Variants in NHEJ1 observed in about 807,000 individuals in gnomAD.
NHEJ1 encodes the protein non-homologous end-joining factor 1.
A neutral mutation model predicts 39.4 loss-of-function variants in NHEJ1; 22 were observed. The ratio of observed to expected loss-of-function variants is 0.56; its 90% CI spans 0.40 to 0.80. NHEJ1 has a LOEUF of 0.80. Ranked by LOEUF, NHEJ1 falls within the 30% of genes least tolerant of loss-of-function variation. The pLI, the probability that NHEJ1 is intolerant of heterozygous loss-of-function variation, is 0.00. For missense variants in NHEJ1, 329 were observed against 357.1 expected, an observed-to-expected ratio of 0.92 and a Z score of 0.63; for synonymous variants, 154 against 135.6, an observed-to-expected ratio of 1.14 and a Z score of -0.94.
At chr2:219,143,391 C>T (rs12694448) in intron 5 of NHEJ1, among the ~76,000 whole-genome samples, 76,232 of 151,920 alleles carry the variant, frequency 0.5, 21,481 homozygotes, top group Non-Finnish European at 0.64. Context: ...TGCAATGACC[C>T]CAGAGGTCAC....
chr2:219,086,790 T>C (rs1949115306), intron 5 of NHEJ1, among the ~76,000 whole-genome samples: 2 of 152,144 alleles, frequency 1.3e-5, no homozygotes, highest in African/African-American at 4.8e-5. Context: ...TGGCTGCCTC[T>C]GAAAGGAGGT....
intron 5 of NHEJ1, among the ~76,000 whole-genome samples, chr2:219,103,004 CAAAAAA>C (rs34361973): frequency 6.3e-5 from 2 of 31,582 alleles, no homozygotes; most frequent in Non-Finnish European, 9.4e-5. Flanking sequence ...GACTCCGTCT[CAAAAAA>C]AAAAAAAAAA....
At chr2:219,090,711 C>A (rs16859521) in intron 5 of NHEJ1, among the ~76,000 whole-genome samples, 2,794 of 152,206 alleles carry the variant, frequency 0.018, 75 homozygotes, top group African/African-American at 0.063. Flanking sequence ...AACAGACTAA[C>A]CGTGAATCAA....
intron 5 of NHEJ1, among the ~76,000 whole-genome samples, chr2:219,098,866 C>A (rs1392738405): frequency 6.6e-6 from 1 of 152,170 alleles, no homozygotes; most frequent in Non-Finnish European, 1.5e-5. Flanking sequence ...CTACATTTGA[C>A]TGCATAGGTA....
At chr2:219,152,968 A>T (rs1430299173) in intron 3 of NHEJ1, among the ~76,000 whole-genome samples, 4 of 151,578 alleles carry the variant, frequency 2.6e-5, no homozygotes, top group Non-Finnish European at 5.9e-5. Flanking sequence ...ATGCCCGGCT[A>T]ATTTTTGTAT....
chr2:219,132,157 C>A (rs2030450), intron 5 of NHEJ1, among the ~76,000 whole-genome samples: 108,629 of 152,228 alleles, frequency 0.71, 39,212 homozygotes, highest in Non-Finnish European at 0.76. Flanking sequence ...CTTCATTGAG[C>A]TACTGGCCCA....
At chr2:219,128,866 CA>C (rs886494405) in intron 5 of NHEJ1, among the ~76,000 whole-genome samples, 3 of 152,228 alleles carry the variant, frequency 2.0e-5, no homozygotes, top group African/African-American at 7.2e-5. Flanking sequence ...GGTCACCCTT[CA>C]AGAACTTCAC....
intron 6 of NHEJ1, among the ~76,000 whole-genome samples, chr2:219,077,716 C>T (rs1337678786): frequency 1.3e-5 from 2 of 151,948 alleles, no homozygotes; most frequent in Admixed American, 1.3e-4. Flanking sequence ...AACTCCTGGC[C>T]TTTCCCACCT....
intron 5 of NHEJ1, among the ~76,000 whole-genome samples, chr2:219,102,151 T>C (rs1394821396): frequency 6.6e-6 from 1 of 152,222 alleles, no homozygotes; most frequent in Admixed American, 6.5e-5. Context: ...TGCTGGTGTT[T>C]TTGCATGTTT....
chr2:219,108,478 G>A (rs1172801144), intron 5 of NHEJ1, among the ~76,000 whole-genome samples: 1 of 152,108 alleles, frequency 6.6e-6, no homozygotes, highest in Non-Finnish European at 1.5e-5. Flanking sequence ...TTTTCCTAGG[G>A]TCTATTTGTT....
chr2:219,123,352 C>T (rs1056648940), intron 5 of NHEJ1, among the ~76,000 whole-genome samples: 4 of 152,146 alleles, frequency 2.6e-5, no homozygotes, highest in Admixed American at 6.5e-5. Flanking sequence ...GAGACTTAAG[C>T]GGAAAGCTAT....
At chr2:219,124,245 CA>C (rs1404644074) in intron 5 of NHEJ1, among the ~76,000 whole-genome samples, 2 of 152,062 alleles carry the variant, frequency 1.3e-5, no homozygotes, top group Non-Finnish European at 2.9e-5. Flanking sequence ...TTGATATCAG[CA>C]AAACTGTGGA....
chr2:219,103,378 C>T (rs890172506), intron 5 of NHEJ1, among the ~76,000 whole-genome samples: 20 of 151,884 alleles, frequency 1.3e-4, no homozygotes, highest in African/African-American at 4.8e-5. Context: ...CGGGTTCAAG[C>T]GATTCTCCTG....
Position 219,073,605 on chromosome 2 carries a change from C to T in NHEJ1, c.*2776G>A, listed in dbSNP as rs1948984838. Reference sequence around the variant, plus strand: ...GGCGCTATTTCTCTACTTTTTAGGTCAAGTTCCTGCAGGAACTTCCTCGAG... The same window carrying T: ...GGCGCTATTTCTCTACTTTTTAGGTTAAGTTCCTGCAGGAACTTCCTCGAG... On this transcript the variant is annotated 3_prime_UTR_variant, in exon 8 of 8. Transcript: ENST00000356853. Among the ~76,000 whole-genome samples, 2 of 152,238 alleles carry T rather than the reference C, an allele frequency of 1.3e-5. No individual in the cohort carries two copies. Among genetic ancestry groups the T allele is most frequent in the Admixed American group, 1.3e-4 (2 of 15,286 alleles).
rs4547519 is a variant in NHEJ1, at chr2:219,073,548, C to T, written c.*2833G>A. 0.23 allele frequency among the ~76,000 whole-genome samples: 35,657 copies of T among 152,160 alleles called. 5,462 individuals are homozygous for T. The highest frequency in any genetic ancestry group is 0.34 in the Non-Finnish European group (23,437 of 67,964). On this transcript the variant is annotated 3_prime_UTR_variant, in exon 8 of 8. Transcript: ENST00000356853. ...TCCTAGCTAACTATGGGGGACCAGCCGGCAAGGCCAAGTAGGCCTTGCAAT... is the reference window on the plus strand; with the variant it reads ...TCCTAGCTAACTATGGGGGACCAGCTGGCAAGGCCAAGTAGGCCTTGCAAT...
At chr2:219,096,661 T>A (rs980988973) in intron 5 of NHEJ1, among the ~76,000 whole-genome samples, 1 of 152,130 alleles carries the variant, frequency 6.6e-6, no homozygotes, top group Non-Finnish European at 1.5e-5. Flanking sequence ...TAGCAAAGAT[T>A]TGACAGTATG....
At chr2:219,090,546 AG>A (rs1260761372) in intron 5 of NHEJ1, among the ~76,000 whole-genome samples, 1 of 152,220 alleles carries the variant, frequency 6.6e-6, no homozygotes, top group Non-Finnish European at 1.5e-5. Context: ...AGGAGCTCAT[AG>A]TCTAGATGAA....
intron 5 of NHEJ1, among the ~76,000 whole-genome samples, chr2:219,119,403 C>T (rs1949449116): frequency 6.6e-6 from 1 of 152,160 alleles, no homozygotes; most frequent in African/African-American, 2.4e-5. Flanking sequence ...TCCCCCTCTC[C>T]CCATCAACCT....
chr2:219,154,966 T>TTATATTAC (rs1949838677), intron 3 of NHEJ1, among the ~76,000 whole-genome samples: 2 of 147,576 alleles, frequency 1.4e-5, no homozygotes, highest in Admixed American at 1.4e-4. Context: ...TTATATATTA[T>TTATATTAC]TATATTACAT....
Sources: allele counts gnomAD v4.1 joint callset (sites outside exome capture counted in the v4.1 genomes callset), GRCh38; gene constraint gnomAD v4.1.1; transcripts MANE v1.5; gene names NCBI Gene and HGNC (gene_info 2026-07-23, HGNC 2026-07-21).